Variants in ENTPD1 observed in about 807,000 individuals in gnomAD.
ENTPD1 encodes the protein ectonucleoside triphosphate diphosphohydrolase 1.
A neutral mutation model predicts 57.0 loss-of-function variants in ENTPD1; 33 were observed. The ratio of observed to expected loss-of-function variants is 0.58; its 90% CI spans 0.44 to 0.77. The LOEUF is 0.77. Among genes scored for constraint, ENTPD1 ranks in the 30% least tolerant of loss-of-function variants. The pLI is 0.00. For missense variants in ENTPD1, 501 were observed against 603.4 expected (o/e 0.83, Z 1.78); for synonymous variants, 202 against 218.8 (o/e 0.92, Z 0.68).
chr10:95,842,553 C>T (rs2098424764), intron 4 of ENTPD1, 59 bp downstream of exon 4: 1 of 1,579,396 alleles, frequency 6.3e-7, no homozygotes, highest in African/African-American at 1.4e-5. Context: ...GTGAAAGAGC[C>T]TCTGAAGTTA....
intron 1 of ENTPD1, among the ~76,000 whole-genome samples, chr10:95,737,664 C>T (rs760762164): frequency 1.3e-5 from 2 of 152,144 alleles, no homozygotes; most frequent in Non-Finnish European, 1.5e-5. Flanking sequence ...TGCCATTACA[C>T]GCTTGAGCTG....
At chr10:95,784,119 G>C (rs1353813501) in intron 1 of ENTPD1, among the ~76,000 whole-genome samples, 1 of 45,596 alleles carries the variant, frequency 2.2e-5, no homozygotes, top group African/African-American at 8.3e-5. Flanking sequence ...TTTTTTTTTT[G>C]ATTGTAGAAA....
At chr10:95,776,677 C>T (rs866083184) in intron 1 of ENTPD1, among the ~76,000 whole-genome samples, 50 of 152,244 alleles carry the variant, frequency 3.3e-4, no homozygotes, top group African/African-American at 1.1e-3. Context: ...TGAATATTGG[C>T]CTGCCTTGCT....
At chr10:95,822,209 A>G (rs538038864) in intron 1 of ENTPD1, among the ~76,000 whole-genome samples, 18 of 149,812 alleles carry the variant, frequency 1.2e-4, no homozygotes, top group African/African-American at 4.4e-4. Context: ...CATGTTGGCC[A>G]GGATAGTCTT....
upstream of ENTPD1, chr10:95,755,064 A>G (rs2098018939): frequency 6.6e-6 from 1 of 152,160 alleles, no homozygotes. Flanking sequence ...AAGAACTAGG[A>G]AACAGGAAAA....
At chr10:95,768,604 A>C (rs1339575151) in intron 1 of ENTPD1, among the ~76,000 whole-genome samples, 1 of 150,298 alleles carries the variant, frequency 6.7e-6, no homozygotes, top group African/African-American at 2.5e-5. Flanking sequence ...AATTTCCTCT[A>C]TATCACTGAT....
intron 1 of ENTPD1, among the ~76,000 whole-genome samples, chr10:95,807,230 C>T (rs1251515312): frequency 1.3e-5 from 2 of 152,216 alleles, no homozygotes; most frequent in African/African-American, 2.4e-5. Context: ...ATGCCCCTCC[C>T]CCAGCCAGGC....
chr10:95,702,160 T>A, the ENTPD1 span, among the ~76,000 whole-genome samples: 78 of 151,962 alleles, frequency 5.1e-4, 1 homozygote, highest in South Asian at 6.0e-3. Flanking sequence ...GTTTAGAAGA[T>A]CAAATTAAAA....
At chr10:95,775,612 T>G (rs1829327857) in intron 1 of ENTPD1, among the ~76,000 whole-genome samples, 1 of 152,142 alleles carries the variant, frequency 6.6e-6, no homozygotes, top group Non-Finnish European at 1.5e-5. Context: ...CTTTGGTATA[T>G]TCTGTTGATT....
chr10:95,850,726 A>C (rs1482705048), intron 7 of ENTPD1, among the ~76,000 whole-genome samples: 1 of 152,230 alleles, frequency 6.6e-6, no homozygotes, highest in South Asian at 2.1e-4. Flanking sequence ...TAAAAAGGTT[A>C]GGTCTTTATC....
chr10:95,802,718 T>G (rs1019738768), intron 1 of ENTPD1, among the ~76,000 whole-genome samples: 1 of 152,196 alleles, frequency 6.6e-6, no homozygotes, highest in African/African-American at 2.4e-5. Flanking sequence ...TTTGGTTTTT[T>G]GTCCTTGTGA....
chr10:95,830,624 G>GGT (rs752421230), intron 2 of ENTPD1, among the ~76,000 whole-genome samples: 14 of 152,076 alleles, frequency 9.2e-5, no homozygotes, highest in Admixed American at 6.6e-5. Flanking sequence ...TGGCCAACAT[G>GGT]GTGAACTGTC....
intron 1 of ENTPD1, among the ~76,000 whole-genome samples, chr10:95,724,024 T>A (rs1386626372): frequency 4.0e-5 from 6 of 151,764 alleles, no homozygotes; most frequent in Non-Finnish European, 8.8e-5. Context: ...TAGCTGGGTG[T>A]TGTGGTGGAC....
chr10:95,756,134 A>G, upstream of ENTPD1: 4 of 1,551,282 alleles, frequency 2.6e-6, no homozygotes, highest in Non-Finnish European at 3.5e-6. Flanking sequence ...AGGGTCTGTT[A>G]TATCTCTGTT....
chr10:95,740,817 A>T (rs1444652693), intron 1 of ENTPD1, among the ~76,000 whole-genome samples: 1 of 152,168 alleles, frequency 6.6e-6, no homozygotes, highest in East Asian at 1.9e-4. Context: ...AACCTCATGA[A>T]CCAACCTCTG....
At position 95,842,379 on chromosome 10, in the gene ENTPD1, G is replaced by GA; in HGVS notation, c.301dup (p.Ile101AsnfsTer7). 1.2e-6 allele frequency: 2 copies of GA among 1,614,034 alleles called. No homozygotes were observed. The highest frequency in any genetic ancestry group is 1.7e-6 in the Non-Finnish European group (2 of 1,179,978). On this transcript the variant is annotated frameshift_variant, in exon 4 of 10. Coordinates refer to ENST00000371205, the MANE Select transcript of ENTPD1 (RefSeq NM_001776.6). LOFTEE classifies it high-confidence loss of function. ...CTCAAAATTTGTTCAGAAAGTAAAT[G>GA]AAATAGGCATTTACCTGACTGATTG...
intron 1 of ENTPD1, among the ~76,000 whole-genome samples, chr10:95,764,653 A>G (rs1476623664): frequency 6.7e-6 from 1 of 148,360 alleles, no homozygotes; most frequent in Non-Finnish European, 1.5e-5. Context: ...TTGAAAATCT[A>G]TTCATGTGTT....
intron 1 of ENTPD1, among the ~76,000 whole-genome samples, chr10:95,746,044 G>C (rs1412373744): frequency 2.0e-5 from 3 of 152,182 alleles, no homozygotes; most frequent in Admixed American, 2.0e-4. Context: ...GGGAAAAGGG[G>C]TGGAGAGGCC....
chr10:95,851,040 A>G (rs1024310053), intron 7 of ENTPD1, among the ~76,000 whole-genome samples: 18 of 152,234 alleles, frequency 1.2e-4, no homozygotes, highest in African/African-American at 4.3e-4. Flanking sequence ...TGTTGTGGGC[A>G]AATTAGAAAC....
Sources: gnomAD v4.1 joint callset for allele counts (sites outside exome capture counted in the v4.1 genomes callset) on GRCh38, gnomAD v4.1.1 for gene constraint, MANE v1.5 for transcripts, NCBI Gene and HGNC (gene_info 2026-07-23, HGNC 2026-07-21) for gene names.